CDKL1: variants seen among roughly 807,000 people sequenced by gnomAD.
CDKL1 encodes the protein cyclin dependent kinase like 1, also known as cyclin-dependent kinase-like 1.
CDKL1 carries 41 observed loss-of-function variants against 42.0 expected under a neutral mutation model. That is an observed-to-expected ratio of 0.98 (90% CI 0.76 to 1.27). The LOEUF (loss-of-function observed/expected upper bound fraction) is 1.27. Among genes scored for constraint, CDKL1 ranks in the 50% most tolerant of loss-of-function variants. The pLI, the probability that CDKL1 is intolerant of heterozygous loss-of-function variation, is 0.00. For synonymous variants in CDKL1, 153 were observed against 158.6 expected, an observed-to-expected ratio of 0.96 and a Z score of 0.26; for missense variants, 394 against 428.4, an observed-to-expected ratio of 0.92 and a Z score of 0.71.
At chr14:50,358,025 C>A in intron 3 of CDKL1, 1 of 1,353,252 alleles carries the variant, frequency 7.4e-7, no homozygotes, top group Non-Finnish European at 9.9e-7. Flanking sequence ...TCCTCTCACC[C>A]TGCAAGAGGC....
intron 3 of CDKL1, chr14:50,358,000 G>A (rs752977042): frequency 7.6e-7 from 1 of 1,308,188 alleles, no homozygotes; most frequent in African/African-American, 1.5e-5. Flanking sequence ...GGAGTGGGTG[G>A]GAGCTGGAAT....
chr14:50,333,809 C>T (rs1318678166), intron 8 of CDKL1: 1 of 151,708 alleles, frequency 6.6e-6, no homozygotes, highest in Non-Finnish European at 1.5e-5. Context: ...ATTTTTAAAC[C>T]ATGTGGGACA....
chr14:50,354,780 C>G (rs2034007897), intron 3 of CDKL1, among the ~76,000 whole-genome samples: 1 of 151,964 alleles, frequency 6.6e-6, no homozygotes, highest in Admixed American at 6.6e-5. Context: ...CAAGGGAGTA[C>G]CAGAAGTTAC....
Position 50,358,637 on chromosome 14 carries a change from T to TTTTTTTTTTTTTC in CDKL1, c.290+390_290+391insGAAAAAAAAAAAA, listed in dbSNP as rs1491544153. The stretch of plus-strand genomic sequence containing the variant: ...AAACACTGGCTGTTTTTAACTAGTC[T>TTTTTTTTTTTTTC]TTTTTTTTTTTTTTTTTTTTGAGAC... On this transcript the variant is annotated intron_variant, in intron 3 of 9. Coordinates refer to ENST00000395834, the MANE Select transcript of CDKL1 (RefSeq NM_004196.7). Among the ~76,000 whole-genome samples the TTTTTTTTTTTTTC allele has an allele frequency of 1.1e-3, 82 of 72,772 alleles. 10 individuals carry two copies. Among genetic ancestry groups the TTTTTTTTTTTTTC allele is most frequent in the Non-Finnish European group, 6.7e-4 (26 of 38,976 alleles). The allele number at this position is 72,772 out of a possible 152,430, so 47.7% of individuals were successfully genotyped here. A position where few individuals can be genotyped will look rare whatever the true frequency, so the allele number is the denominator to read the frequency against.
At position 50,395,711 on chromosome 14, in the gene CDKL1, C is replaced by T. The variant is rs2035378346; in HGVS notation, c.158G>A (p.Arg53Gln). Reference protein sequence around the residue: ...VIKKIALREIRMLKQLKHPNL... With the variant: ...VIKKIALREIQMLKQLKHPNL... ...AAGTGAATCAATTACCTTGAGCATT[C>T]GGATTTCCCGAAGGGCAATTTTCTT... is the stretch of plus-strand genomic sequence containing the variant. The change falls in exon 2 of 10, where the codon CGA becomes CAA. Residue 53 changes from arginine (R) to glutamine (Q), a missense_variant. Arg to Gln is a conservative substitution (Grantham distance 43). Transcript: ENST00000395834. 1 of 1,608,314 alleles carries T rather than the reference C, an allele frequency of 6.2e-7. No individual in the cohort carries two copies. The highest frequency in any genetic ancestry group is 8.5e-7 in the Non-Finnish European group (1 of 1,175,670).
At chr14:50,384,994 C>T (rs932808473) in intron 2 of CDKL1, among the ~76,000 whole-genome samples, 2 of 146,218 alleles carry the variant, frequency 1.4e-5, no homozygotes. Context: ...TTGCTTCAAC[C>T]CAGGAGGTGG....
intron 2 of CDKL1, chr14:50,378,179 G>T (rs1353269462): frequency 1.5e-6 from 2 of 1,366,148 alleles, no homozygotes; most frequent in Admixed American, 3.8e-5. Flanking sequence ...TCCTTTACCT[G>T]CAGACCTTAA....
chr14:50,369,996 A>C (rs898070455), intron 2 of CDKL1, among the ~76,000 whole-genome samples: 1 of 152,158 alleles, frequency 6.6e-6, no homozygotes, highest in Non-Finnish European at 1.5e-5. Flanking sequence ...CTAGCTAATT[A>C]ACATATATCC....
At chr14:50,357,985 G>C (rs537772210) in intron 3 of CDKL1, 20 of 1,232,980 alleles carry the variant, frequency 1.6e-5, no homozygotes, top group Non-Finnish European at 2.1e-5. Flanking sequence ...AAAACACCCA[G>C]CTGAGGAGTG....
At chr14:50,351,159 G>C (rs2033890767) in intron 3 of CDKL1, among the ~76,000 whole-genome samples, 1 of 152,064 alleles carries the variant, frequency 6.6e-6, no homozygotes, top group South Asian at 2.1e-4. Context: ...TAACCAGTTA[G>C]AGATGGATGT....
intron 5 of CDKL1, among the ~76,000 whole-genome samples, chr14:50,341,470 G>A (rs113252015): frequency 3.7e-5 from 5 of 133,740 alleles, no homozygotes; most frequent in Admixed American, 7.3e-5. Context: ...GGGGGGGGGG[G>A]GGTTATTTGG....
chr14:50,342,974 C>T (rs1246407753), intron 4 of CDKL1: 2 of 1,356,898 alleles, frequency 1.5e-6, no homozygotes, highest in Non-Finnish European at 2.0e-6. Flanking sequence ...GCAGCCACCC[C>T]TCGAGATGCG....
intron 8 of CDKL1, chr14:50,334,150 T>A (rs1174085617): frequency 1.3e-5 from 2 of 153,624 alleles, no homozygotes; most frequent in African/African-American, 4.9e-5. Context: ...AATATACTTT[T>A]CCAAGGAGAA....
chr14:50,344,910 A>G, intron 4 of CDKL1, 76 bp downstream of exon 4: 1 of 1,234,482 alleles, frequency 8.1e-7, no homozygotes, highest in Non-Finnish European at 1.2e-6. Flanking sequence ...CAGAAGTGTG[A>G]CATAAACTTT....
At chr14:50,332,891 T>A in intron 8 of CDKL1, 1 of 387,498 alleles carries the variant, frequency 2.6e-6, no homozygotes, top group Non-Finnish European at 4.5e-6. Context: ...TTCACCCTTC[T>A]AAAATCAGCT....
Position 50,330,115 on chromosome 14 carries a change from A to G in CDKL1, c.1033T>C (p.Cys345Arg). ...LPALDNKKYY[C>R]DTKKLNYRFP... ...CGGTAGTTAAGTTTCTTGGTATCACAGTAGTACTTCTTATTATCCAAAGCT... is the reference window on the plus strand; with the variant it reads ...CGGTAGTTAAGTTTCTTGGTATCACGGTAGTACTTCTTATTATCCAAAGCT... The change falls in exon 10 of 10, where the codon TGT becomes CGT. Residue 345 changes from cysteine to arginine, a missense_variant. Transcript: ENST00000395834. 6.2e-7 allele frequency: 1 copy of G among 1,610,348 alleles called. No individual in the cohort carries two copies. Among genetic ancestry groups the G allele is most frequent in the Non-Finnish European group, 8.5e-7 (1 of 1,179,274 alleles).
At chr14:50,381,806 T>C (rs983955995) in intron 2 of CDKL1, among the ~76,000 whole-genome samples, 5 of 152,100 alleles carry the variant, frequency 3.3e-5, no homozygotes, top group African/African-American at 1.2e-4. Context: ...AGGGTTTCAG[T>C]CTGTCACCCT....
At position 50,328,120 on chromosome 14, in the gene CDKL1, C is replaced by T. The variant is rs2032779348; in HGVS notation, c.*1954G>A. ...TGATTCACCACGATTTAGTCTAGAG[C>T]TACTTTTCTATTCTGAATAGTTTTT... is the stretch of plus-strand genomic sequence containing the variant. On this transcript the variant is annotated 3_prime_UTR_variant, in exon 10 of 10. Transcript: ENST00000395834. 1 of 152,100 alleles carries T rather than the reference C, an allele frequency of 6.6e-6. No homozygotes were observed. Among genetic ancestry groups the T allele is most frequent in the African/African-American group, 2.4e-5 (1 of 41,402 alleles). The allele number at this position is 152,100 out of a possible 1,614,324, so 9.4% of individuals were successfully genotyped here. A position where few individuals can be genotyped will look rare whatever the true frequency, so the allele number is the denominator to read the frequency against.
chr14:50,368,740 C>T (rs939662331), intron 2 of CDKL1, among the ~76,000 whole-genome samples: 2 of 152,098 alleles, frequency 1.3e-5, no homozygotes, highest in Admixed American at 6.6e-5. Flanking sequence ...CTCTCTGTGT[C>T]GTCAGCCCTC....
Sources: gnomAD v4.1 joint callset for allele counts (sites outside exome capture counted in the v4.1 genomes callset) on GRCh38, gnomAD v4.1.1 for gene constraint, MANE v1.5 for transcripts, NCBI Gene and HGNC (gene_info 2026-07-23, HGNC 2026-07-21) for gene names.